ANO5: variants seen among roughly 807,000 people sequenced by gnomAD.
ANO5 encodes the protein anoctamin 5, also known as anoctamin-5.
ANO5 carries 109 observed loss-of-function variants against 121.0 expected under a neutral mutation model. The observed-to-expected ratio is 0.90, with a 90% confidence interval of 0.77 to 1.06. The LOEUF (loss-of-function observed/expected upper bound fraction) is 1.06, where lower values mean the gene tolerates loss of function less well. Among genes scored for constraint, ANO5 ranks in the 50% least tolerant of loss-of-function variants. The pLI, the probability that ANO5 is intolerant of heterozygous loss-of-function variation, is 0.00. For missense variants in ANO5, 1,064 were observed against 1,078.5 expected, an observed-to-expected ratio of 0.99 and a Z score of 0.19; for synonymous variants, 406 against 359.9, an observed-to-expected ratio of 1.13 and a Z score of -1.45.
chr11:22,208,582 G>A (rs1042419752), intron 2 of ANO5, among the ~76,000 whole-genome samples: 3 of 151,974 alleles, frequency 2.0e-5, no homozygotes, highest in African/African-American at 7.2e-5. Context: ...CCTTGTGGAT[G>A]GAATAGCTCT....
chr11:22,251,007 T>G lies in ANO5; in HGVS notation c.1176T>G (p.Ile392Met). Residue 392 changes from isoleucine to methionine, a missense_variant, in exon 12 of 22, where the codon ATT becomes ATG. Ile to Met is a conservative substitution (Grantham distance 10). Coordinates refer to ENST00000324559, the MANE Select transcript of ANO5 (RefSeq NM_213599.3). ...TGTTCTTTGCAATATTCATGGGAAT[T>G]TGGGGTGAGTAAATAGTCCCATAAA... ...STVFFAIFMG[I>M]WVTLFLEFWK... 6.2e-7 allele frequency: 1 copy of G among 1,610,478 alleles called. No homozygotes were observed. Among genetic ancestry groups the G allele is most frequent in the Non-Finnish European group, 8.5e-7 (1 of 1,178,684 alleles).
chr11:22,238,297 A>C (rs1447062283), intron 8 of ANO5, among the ~76,000 whole-genome samples: 1 of 138,652 alleles, frequency 7.2e-6, no homozygotes, highest in Non-Finnish European at 1.6e-5. Flanking sequence ...TTTTTTTTGA[A>C]GATTTTGAGT....
chr11:22,246,934 T>C (rs1853646113), intron 9 of ANO5, among the ~76,000 whole-genome samples: 1 of 151,902 alleles, frequency 6.6e-6, no homozygotes, highest in Non-Finnish European at 1.5e-5. Context: ...ACACATTTCT[T>C]TTAATGAGAC....
At chr11:22,209,292 A>G (rs574694595) in intron 2 of ANO5, among the ~76,000 whole-genome samples, 2 of 151,974 alleles carry the variant, frequency 1.3e-5, no homozygotes, top group African/African-American at 2.4e-5. Flanking sequence ...TGATTAATAT[A>G]TTTATTACAT....
At chr11:22,194,465 A>G (rs999266736) in intron 1 of ANO5, among the ~76,000 whole-genome samples, 1 of 152,332 alleles carries the variant, frequency 6.6e-6, no homozygotes, top group East Asian at 1.9e-4. Context: ...TATAATCTAT[A>G]TACTGTAAAA....
At chr11:22,201,139 G>T (rs1441065687) in intron 1 of ANO5, among the ~76,000 whole-genome samples, 4 of 152,134 alleles carry the variant, frequency 2.6e-5, no homozygotes, top group East Asian at 1.9e-4. Context: ...CACAGTGCCT[G>T]GTGCATGGCA....
chr11:22,253,859 A>T (rs1393282816), intron 12 of ANO5, among the ~76,000 whole-genome samples: 1 of 152,118 alleles, frequency 6.6e-6, no homozygotes, highest in Non-Finnish European at 1.5e-5. Flanking sequence ...AGCCAAACTT[A>T]TGGAATCAAA....
intron 9 of ANO5, among the ~76,000 whole-genome samples, chr11:22,247,748 T>G (rs1853672420): frequency 6.6e-6 from 1 of 152,108 alleles, no homozygotes; most frequent in South Asian, 2.1e-4. Flanking sequence ...TTTTGTCACA[T>G]TAGATAATAT....
intron 17 of ANO5, among the ~76,000 whole-genome samples, chr11:22,267,484 T>A (rs1854405755): frequency 7.0e-6 from 1 of 143,534 alleles, no homozygotes; most frequent in Non-Finnish European, 1.5e-5. Context: ...AAACACTATC[T>A]ACATACCATA....
chr11:22,226,587 G>C (rs1008743984), intron 6 of ANO5, among the ~76,000 whole-genome samples: 4 of 152,068 alleles, frequency 2.6e-5, no homozygotes, highest in Non-Finnish European at 4.4e-5. Flanking sequence ...TAAAAAATTA[G>C]TTGGGCATGG....
chr11:22,240,920 A>G (rs979084157), intron 9 of ANO5, among the ~76,000 whole-genome samples: 1 of 151,988 alleles, frequency 6.6e-6, no homozygotes. Flanking sequence ...ACAAAGATCT[A>G]TCTGATACTA....
At chr11:22,231,529 AATCT>A (rs1283040083) in intron 7 of ANO5, among the ~76,000 whole-genome samples, 6 of 151,940 alleles carry the variant, frequency 3.9e-5, no homozygotes, top group African/African-American at 1.2e-4. Flanking sequence ...AGTAGATATT[AATCT>A]ATCTATTCAT....
chr11:22,276,602 T>G (rs930732688), intron 21 of ANO5, among the ~76,000 whole-genome samples: 2 of 151,812 alleles, frequency 1.3e-5, no homozygotes, highest in African/African-American at 4.8e-5. Flanking sequence ...AATAAGTAGC[T>G]GGCTTAACGT....
At position 22,279,544 on chromosome 11, in the gene ANO5, C is replaced by A. The variant is rs781027702; in HGVS notation, c.2521C>A (p.His841Asn). Residue 841 changes from histidine (H) to asparagine (N), a missense_variant and splice_region_variant, in exon 22 of 22, where the codon CAT (histidine) becomes AAT (asparagine). Coordinates refer to ENST00000324559, the MANE Select transcript of ANO5 (RefSeq NM_213599.3). ...AKMTFIIVMEHVVFLVKFLLA... is the reference protein window; with the variant it reads ...AKMTFIIVMENVVFLVKFLLA... ...AATCTTTCCTTTATATTTCCTCTAG[C>A]ATGTTGTGTTTTTAGTTAAATTTTT... The A allele has an allele frequency of 6.2e-7, 1 of 1,607,698 alleles. No homozygotes were observed. Among genetic ancestry groups the A allele is most frequent in the East Asian group, 2.2e-5 (1 of 44,808 alleles).
At chr11:22,239,831 A>G (rs1853366670) in intron 9 of ANO5, 147 bp downstream of exon 9, 4 of 668,708 alleles carry the variant, frequency 6.0e-6, no homozygotes, top group East Asian at 5.9e-5. Flanking sequence ...TTAGCAATTC[A>G]TTTAGGAGAA....
rs1854852867 is a variant in ANO5, at chr11:22,276,408, T to A, written c.2520+209T>A. On this transcript the variant is annotated intron_variant, in intron 21 of 21. Transcript: ENST00000324559. The stretch of plus-strand genomic sequence containing the variant: ...CTTATTATTGTTGAACATGTCATGG[T>A]GACAGAAAAGGAAAGGAAAACAAAT... Among the ~76,000 whole-genome samples the A allele has an allele frequency of 2.0e-5, 3 of 151,798 alleles. No homozygotes were observed. The South Asian group carries it at 6.2e-4, about 31-fold the overall frequency.
Position 22,276,212 on chromosome 11 carries a change from T to A in ANO5, c.2520+13T>A. 1 of 1,585,368 alleles carries A rather than the reference T, an allele frequency of 6.3e-7. No individual in the cohort carries two copies. The highest frequency in any genetic ancestry group is 2.2e-5 in the East Asian group (1 of 44,602). Reference sequence around the variant, plus strand: ...CATTGTTATGGAAGTAAGCTGTTCTTAACTTTCATTCGAGTTACTCTCTTC... The same window carrying A: ...CATTGTTATGGAAGTAAGCTGTTCTAAACTTTCATTCGAGTTACTCTCTTC... On this transcript the variant is annotated intron_variant, in intron 21 of 21. Transcript: ENST00000324559.
At chr11:22,208,662 C>T (rs1852191433) in intron 2 of ANO5, among the ~76,000 whole-genome samples, 1 of 151,878 alleles carries the variant, frequency 6.6e-6, no homozygotes, top group Non-Finnish European at 1.5e-5. Flanking sequence ...TATACAGAGA[C>T]ATTGTACTCA....
intron 17 of ANO5, among the ~76,000 whole-genome samples, chr11:22,264,387 T>C (rs1201898142): frequency 2.0e-5 from 3 of 150,536 alleles, no homozygotes; most frequent in Admixed American, 2.0e-4. Context: ...ATGGAGGCAA[T>C]ACCTAAACCA....
Sources: gnomAD v4.1 joint callset for allele counts (sites outside exome capture counted in the v4.1 genomes callset) on GRCh38, gnomAD v4.1.1 for gene constraint, MANE v1.5 for transcripts, NCBI Gene and HGNC (gene_info 2026-07-23, HGNC 2026-07-21) for gene names.